The following PKD1 variants were observed in gnomAD, a reference collection of about 807,000 sequenced individuals.
PKD1 encodes the protein polycystin-1.
In PKD1, 81 loss-of-function variants were observed where a neutral mutation model predicts 361.7. The ratio of observed to expected loss-of-function variants is 0.22; its 90% confidence interval spans 0.19 to 0.27. The LOEUF (loss-of-function observed/expected upper bound fraction) is 0.27. Ranked by LOEUF, PKD1 falls within the 10% of genes least tolerant of loss-of-function variation. PKD1 has a pLI of 1.00. For missense variants in PKD1, 6,399 were observed against 6,118.3 expected (o/e 1.05, Z -1.53); for synonymous variants, 3,615 against 2,818.3 (o/e 1.28, Z -8.95).
Position 2,111,414 on chromosome 16 carries a change from G to A in PKD1, c.3753C>T (p.Thr1251=), listed in dbSNP as rs143556315. 4.3e-6 allele frequency: 7 copies of A among 1,611,742 alleles called. No homozygotes were observed. The highest frequency in any genetic ancestry group is 1.7e-5 in the Admixed American group (1 of 59,978). ...ITWTFDMGDG[T]VLSGPEATVE... is the part of the protein sequence containing the mutation. ...CTGTTGCCTCCGGGCCCGACAGCAC[G>A]GTGCCGTCCCCCATGTCGAAGGTCC... The change falls in exon 15 of 46, where the codon ACC becomes ACT. Residue 1251 remains threonine, a synonymous_variant. Transcript: ENST00000262304.
At position 2,089,576 on chromosome 16, in the gene PKD1, TGAAGCCCACA is replaced by T; in HGVS notation, c.*141_*150del. The T allele has an allele frequency of 1.0e-6, 1 of 991,998 alleles. No individual in the cohort carries two copies. The highest frequency in any genetic ancestry group is 1.5e-6 in the Non-Finnish European group (1 of 671,214). 61.4% of individuals were successfully genotyped at this position (991,998 alleles called of 1,614,324 possible). ...TGGCCACACAGCCTCTTTAAAGTGC[TGAAGCCCACA>T]GACAGACAGATGCCCCTGCCTGCTC... On this transcript the variant is annotated 3_prime_UTR_variant, in exon 46 of 46. Transcript: ENST00000262304.
rs568052047 is a variant in PKD1 at position 2,107,848 on chromosome 16, C to T, written c.7065+35G>A. ...TAGATGACCAGGGAGGCTGGGCTGTCCAAGGCAAGTGGCCGAGGGGCGGGC... is the reference window on the plus strand; with the variant it reads ...TAGATGACCAGGGAGGCTGGGCTGTTCAAGGCAAGTGGCCGAGGGGCGGGC... On this transcript the variant is annotated intron_variant, in intron 16 of 45. Coordinates refer to ENST00000262304, the MANE Select transcript of PKD1 (RefSeq NM_001009944.3). The T allele has an allele frequency of 3.7e-5, 57 of 1,537,674 alleles. No homozygotes were observed. In the South Asian group the frequency reaches 6.7e-4, roughly 18 times the overall value.
chr16:2,121,615 G>A (rs2151831515), intron 1 of PKD1, among the ~76,000 whole-genome samples: 1 of 152,186 alleles, frequency 6.6e-6, no homozygotes. Flanking sequence ...GTGATGCGGA[G>A]GTGAGTAGAC....
rs2091432358 is a variant in PKD1 at position 2,090,294 on chromosome 16, C to A, written c.12435G>T (p.Lys4145Asn). The part of the protein sequence containing the change: ...RRLRLWMGLS[K>N]VKEFRHKVRF... ...ACTGGGCCGTACCCACCTCCTTGAC[C>A]TTGCTGAGGCCCATCCAGAGGCGCA... is the stretch of plus-strand genomic sequence containing the variant. Residue 4145 changes from lysine to asparagine, a missense_variant, in exon 45 of 46, where the codon AAG (lysine) becomes AAT (asparagine). Transcript: ENST00000262304. 8 of 1,610,016 alleles carry A rather than the reference C, an allele frequency of 5.0e-6. No individual in the cohort carries two copies. Among genetic ancestry groups the A allele is most frequent in the Non-Finnish European group, 6.8e-6 (8 of 1,178,170 alleles).
chr16:2,103,522 G>A lies in PKD1; in HGVS notation c.8535C>T (p.Ser2845=), dbSNP rs957318061. 2.5e-6 allele frequency: 4 copies of A among 1,606,998 alleles called. No individual in the cohort carries two copies. Among genetic ancestry groups the A allele is most frequent in the Non-Finnish European group, 3.4e-6 (4 of 1,179,720 alleles). Residue 2845 remains serine, a synonymous_variant, in exon 23 of 46, where the codon TCC becomes TCT. Transcript: ENST00000262304. ...GGAATGCCATCGAGGCCACCTTGGT[G>A]GAGACGGTGTAGTTGCTGATATAGC... ...PFGYISNYTV[S]TKVASMAFQT...
intron 34 of PKD1, among the ~76,000 whole-genome samples, chr16:2,096,062 C>G (rs943354462): frequency 3.9e-5 from 6 of 152,224 alleles, no homozygotes; most frequent in African/African-American, 1.4e-4. Context: ...CAATGAGAAG[C>G]ACTCAAAGGA....
chr16:2,129,220 C>T (rs1322961879), intron 1 of PKD1, among the ~76,000 whole-genome samples: 1 of 148,130 alleles, frequency 6.8e-6, no homozygotes, highest in Non-Finnish European at 1.5e-5. Context: ...AGTGCAGTGG[C>T]ACCATCACAG....
rs2092201550 is a variant in PKD1, at chr16:2,103,705, C to T, written c.8352G>A (p.Gln2784=). The T allele has an allele frequency of 6.2e-7, 1 of 1,609,914 alleles. No individual in the cohort carries two copies. The highest frequency in any genetic ancestry group is 8.5e-7 in the Non-Finnish European group (1 of 1,179,566). Residue 2784 remains glutamine, a synonymous_variant, in exon 23 of 46, where the codon CAG becomes CAA. Coordinates refer to ENST00000262304, the MANE Select transcript of PKD1 (RefSeq NM_001009944.3). ...LTLAGEEIVA[Q]GKRSDPRSLL... ...GGCTCCGCGGGTCCGAGCGCTTGCC[C>T]TGGGCCACGATCTCCTCGCCCGCCA...
At chr16:2,127,658 G>A (rs1487293287) in intron 1 of PKD1, among the ~76,000 whole-genome samples, 1 of 151,576 alleles carries the variant, frequency 6.6e-6, no homozygotes, top group Non-Finnish European at 1.5e-5. Flanking sequence ...TGATTGTTGG[G>A]GCTGCCAGTG....
rs1056799564 is a variant in PKD1 at position 2,093,826 on chromosome 16, G to A, written c.10806C>T (p.Gly3602=). The A allele has an allele frequency of 4.5e-6, 7 of 1,558,094 alleles. No homozygotes were observed. The highest frequency in any genetic ancestry group is 1.4e-5 in the African/African-American group (1 of 73,554). ...GCCCCCTCACCTTCAGTGGCTCCCA[G>A]CCGAGGAATGAGGCCAGGAAGCTGG... is the stretch of plus-strand genomic sequence containing the variant. ...SSASFLASFL[G]WEPLKVLLEA... is the part of the protein sequence containing the mutation. The change falls in exon 36 of 46, where the codon GGC becomes GGT. Residue 3602 remains glycine (G), a synonymous_variant. Coordinates refer to ENST00000262304, the MANE Select transcript of PKD1 (RefSeq NM_001009944.3).
Position 2,111,438 on chromosome 16 carries a change from C to G in PKD1, c.3729G>C (p.Trp1243Cys). 6.2e-7 allele frequency: 1 copy of G among 1,611,946 alleles called. No homozygotes were observed. The highest frequency in any genetic ancestry group is 8.5e-7 in the Non-Finnish European group (1 of 1,179,560). ...AAVQTGDNIT[W>C]TFDMGDGTVL... is the part of the protein sequence containing the mutation. ...CGGTGCCGTCCCCCATGTCGAAGGT[C>G]CACGTGATGTTGTCGCCCGTCTGCA... Residue 1243 changes from tryptophan to cysteine, a missense_variant, in exon 15 of 46, where the codon TGG becomes TGC. Trp to Cys is a radical substitution (Grantham distance 215). Transcript: ENST00000262304.
chr16:2,103,141 G>A (rs2092167974), intron 23 of PKD1, 125 bp downstream of exon 23: 3 of 1,316,228 alleles, frequency 2.3e-6, no homozygotes, highest in Admixed American at 2.0e-5. Flanking sequence ...CTCTGGCCAG[G>A]CCCCCAGCAG....
At position 2,107,940 on chromosome 16, in the gene PKD1, G is replaced by A; in HGVS notation, c.7008C>T (p.Tyr2336=). ...CCTTCCACACGGTCAGGCTGAAGGT[G>A]TACTCCACGCCAGCCGCCAGCCGCT... ...PRERLAAGVE[Y]TFSLTVWKAG... is the part of the protein sequence containing the mutation. The change falls in exon 16 of 46, where the codon TAC becomes TAT. Residue 2336 remains tyrosine (Y), a synonymous_variant. Transcript: ENST00000262304. 1.3e-6 allele frequency: 2 copies of A among 1,546,438 alleles called. No individual in the cohort carries two copies. Among genetic ancestry groups the A allele is most frequent in the Non-Finnish European group, 1.7e-6 (2 of 1,146,804 alleles).
rs761476566 is a variant in PKD1 at position 2,106,052 on chromosome 16, G to C, written c.7704-28C>G. On this transcript the variant is annotated intron_variant, in intron 19 of 45. Coordinates refer to ENST00000262304, the MANE Select transcript of PKD1 (RefSeq NM_001009944.3). This position sits in a 1 kb window ranked among gnomAD's most constrained non-coding sequence, Gnocchi z 6.5. Reference sequence around the variant, plus strand: ...ACGAGCAGAGGGGGGTGGTGAGCAGGTGGCAGTCTCGGGGGCGCCCTCCCA... The same window carrying C: ...ACGAGCAGAGGGGGGTGGTGAGCAGCTGGCAGTCTCGGGGGCGCCCTCCCA... 3 of 1,607,224 alleles carry C rather than the reference G, an allele frequency of 1.9e-6. No homozygotes were observed. Among genetic ancestry groups the C allele is most frequent in the Middle Eastern group, 2.3e-4 (1 of 4,422 alleles).
At chr16:2,133,537 C>T (rs2092914121) in intron 1 of PKD1, among the ~76,000 whole-genome samples, 2 of 150,996 alleles carry the variant, frequency 1.3e-5, no homozygotes, top group South Asian at 4.2e-4. Context: ...ACCCAGCCGT[C>T]TCCCCGAGGA....
chr16:2,101,455 A>C (rs1200747783), intron 26 of PKD1, among the ~76,000 whole-genome samples: 1 of 152,006 alleles, frequency 6.6e-6, no homozygotes, highest in Non-Finnish European at 1.5e-5. Flanking sequence ...CGCCTGGCTG[A>C]CATGGTGAAA....
At position 2,100,586 on chromosome 16, in the gene PKD1, G is replaced by A. The variant is rs774292950; in HGVS notation, c.9398-20C>T. 12 of 1,605,278 alleles carry A rather than the reference G, an allele frequency of 7.5e-6. No homozygotes were observed. Among genetic ancestry groups the A allele is most frequent in the Admixed American group, 3.3e-5 (2 of 59,982 alleles). ...TGGTACCTGGGAGGCAAGAGGGAGGGGTGGGAGGCTCGGTCTGCTGCCCAA... is the reference window on the plus strand; with the variant it reads ...TGGTACCTGGGAGGCAAGAGGGAGGAGTGGGAGGCTCGGTCTGCTGCCCAA... On this transcript the variant is annotated intron_variant, in intron 26 of 45. Coordinates refer to ENST00000262304, the MANE Select transcript of PKD1 (RefSeq NM_001009944.3). The surrounding 1 kb of genome is among the most constrained non-coding windows in gnomAD (Gnocchi z 4.4).
intron 26 of PKD1, among the ~76,000 whole-genome samples, chr16:2,101,400 C>A (rs1390486106): frequency 6.6e-6 from 1 of 152,170 alleles, no homozygotes; most frequent in African/African-American, 2.4e-5. Flanking sequence ...GTCATCCCAG[C>A]ACTCTGGCAG....
Position 2,109,436 on chromosome 16 carries a change from G to C in PKD1, c.5731C>G (p.Leu1911Val), listed in dbSNP as rs376616799. 2 of 1,605,166 alleles carry C rather than the reference G, an allele frequency of 1.2e-6. No individual in the cohort carries two copies. The highest frequency in any genetic ancestry group is 2.7e-5 in the African/African-American group (2 of 74,870). The stretch of plus-strand genomic sequence containing the variant: ...AAGGTGACAGCTGAGCCGGCAGCCA[G>C]CAGGATCTGAAAATGGACCAGCTGC... ...PGQLVHFQILLAAGSAVTFRL... is the reference protein window; with the variant it reads ...PGQLVHFQILVAAGSAVTFRL... Residue 1911 changes from leucine to valine, a missense_variant, in exon 15 of 46, where the codon CTG becomes GTG. Transcript: ENST00000262304.
Sources: gnomAD v4.1 joint callset for allele counts (sites outside exome capture counted in the v4.1 genomes callset) on GRCh38, gnomAD v4.1.1 for gene constraint, Gnocchi (gnomAD v3.1) non-coding constraint, MANE v1.5 for transcripts, NCBI Gene and HGNC (gene_info 2026-07-23, HGNC 2026-07-21) for gene names.